The following IL1RAP variants were observed in gnomAD, a reference collection of about 807,000 sequenced individuals.
The protein encoded by IL1RAP is interleukin-1 receptor accessory protein.
IL1RAP carries 35 observed loss-of-function variants against 60.7 expected under a neutral mutation model. The ratio of observed to expected loss-of-function variants is 0.58; its 90% CI spans 0.44 to 0.76. The LOEUF (loss-of-function observed/expected upper bound fraction) is 0.76. Ranked by LOEUF, IL1RAP falls within the 30% of genes least tolerant of loss-of-function variation. The pLI, the probability that IL1RAP is intolerant of heterozygous loss-of-function variation, is 0.00. For synonymous variants in IL1RAP, 268 were observed against 250.9 expected (o/e 1.07, Z -0.64); for missense variants, 572 against 693.9 (o/e 0.82, Z 1.97).
chr3:190,586,898 T>C (rs1211991208), intron 3 of IL1RAP, among the ~76,000 whole-genome samples: 7 of 152,128 alleles, frequency 4.6e-5, no homozygotes, highest in Non-Finnish European at 2.9e-5. Context: ...GGCTGTGATA[T>C]GTGCCTTCCG....
chr3:190,553,738 CA>C (rs1725104896), intron 1 of IL1RAP, among the ~76,000 whole-genome samples: 1 of 152,176 alleles, frequency 6.6e-6, no homozygotes, highest in African/African-American at 2.4e-5. Context: ...CCTCTAGCCT[CA>C]GAAGTCTGAG....
chr3:190,542,404 G>A (rs1204915686), intron 1 of IL1RAP, among the ~76,000 whole-genome samples: 3 of 152,050 alleles, frequency 2.0e-5, no homozygotes, highest in Non-Finnish European at 4.4e-5. Flanking sequence ...TGTAAGACAG[G>A]AAAATTATAT....
At chr3:190,559,294 G>A (rs1461575059) in intron 2 of IL1RAP, among the ~76,000 whole-genome samples, 1 of 151,954 alleles carries the variant, frequency 6.6e-6, no homozygotes, top group Admixed American at 6.5e-5. Context: ...GTATCACCTG[G>A]CTTGAGGTTT....
At chr3:190,585,168 C>T (rs1728344226) in intron 3 of IL1RAP, among the ~76,000 whole-genome samples, 1 of 152,088 alleles carries the variant, frequency 6.6e-6, no homozygotes, top group Non-Finnish European at 1.5e-5. Context: ...AAGTGGCTTC[C>T]CTCTTTACAG....
At chr3:190,566,663 G>A (rs564000371) in intron 3 of IL1RAP, among the ~76,000 whole-genome samples, 19 of 152,136 alleles carry the variant, frequency 1.2e-4, no homozygotes, top group Non-Finnish European at 2.2e-4. Flanking sequence ...CATCTGGCAC[G>A]TACTCATTTG....
At chr3:190,536,963 C>T (rs1043060444) in intron 1 of IL1RAP, among the ~76,000 whole-genome samples, 2 of 152,056 alleles carry the variant, frequency 1.3e-5, no homozygotes, top group African/African-American at 4.8e-5. Flanking sequence ...AAGAGAGAGA[C>T]TGGATGAATG....
intron 1 of IL1RAP, among the ~76,000 whole-genome samples, chr3:190,546,803 C>T (rs909481649): frequency 2.0e-5 from 3 of 152,130 alleles, no homozygotes; most frequent in Admixed American, 6.6e-5. Context: ...TTGTGAGTTC[C>T]TGGATGTCTG....
intron 1 of IL1RAP, among the ~76,000 whole-genome samples, chr3:190,554,300 TGA>T (rs1160208774): frequency 6.6e-6 from 1 of 151,900 alleles, no homozygotes; most frequent in Non-Finnish European, 1.5e-5. Flanking sequence ...CTCAGCAAAG[TGA>T]GAGAGTCCTG....
intron 1 of IL1RAP, chr3:190,517,801 C>T (rs1306339036): frequency 6.6e-6 from 1 of 152,108 alleles, no homozygotes; most frequent in Non-Finnish European, 1.5e-5. Flanking sequence ...TAGAAAAAAA[C>T]AAAGATTATC....
downstream of IL1RAP, chr3:190,656,306 G>C: frequency 6.5e-7 from 1 of 1,537,236 alleles, no homozygotes; most frequent in African/African-American, 1.4e-5. Context: ...AGCTCAGAGA[G>C]GGCTGCAGGT....
intron 9 of IL1RAP, among the ~76,000 whole-genome samples, chr3:190,640,327 A>C (rs1577806317): frequency 1.3e-5 from 2 of 152,156 alleles, no homozygotes; most frequent in Admixed American, 1.3e-4. Context: ...TGTATTTTAG[A>C]TATGGAAGGA....
intron 3 of IL1RAP, among the ~76,000 whole-genome samples, chr3:190,596,291 A>G (rs1729372144): frequency 6.6e-6 from 1 of 152,144 alleles, no homozygotes; most frequent in African/African-American, 2.4e-5. Flanking sequence ...TGTGGAAAAT[A>G]TTCTGCTTTG....
At chr3:190,538,382 T>C (rs1026741899) in intron 1 of IL1RAP, among the ~76,000 whole-genome samples, 3 of 152,192 alleles carry the variant, frequency 2.0e-5, no homozygotes, top group East Asian at 1.9e-4. Context: ...AGAGCAGATA[T>C]CCAACTTTGC....
chr3:190,545,455 G>A (rs1008135850), intron 1 of IL1RAP, among the ~76,000 whole-genome samples: 2 of 152,170 alleles, frequency 1.3e-5, no homozygotes, highest in African/African-American at 4.8e-5. Flanking sequence ...GGCCACAGCA[G>A]GCATTCGCAT....
chr3:190,529,523 A>G (rs1362196095), intron 1 of IL1RAP, among the ~76,000 whole-genome samples: 1 of 151,900 alleles, frequency 6.6e-6, no homozygotes, highest in Non-Finnish European at 1.5e-5. Context: ...CATCTCTACT[A>G]AAAATACAAA....
chr3:190,518,662 G>A (rs1721744503), intron 1 of IL1RAP: 2 of 152,598 alleles, frequency 1.3e-5, no homozygotes, highest in African/African-American at 4.8e-5. Context: ...GACAATCATG[G>A]CGGAAGTCAA....
At chr3:190,596,353 CT>C (rs61432795) in intron 3 of IL1RAP, among the ~76,000 whole-genome samples, 25,579 of 147,302 alleles carry the variant, frequency 0.17, 2,711 homozygotes, top group East Asian at 0.45. Context: ...AGTCAGGCAG[CT>C]TTTTTTTTTT....
chr3:190,615,046 C>G (rs907947768), intron 5 of IL1RAP, among the ~76,000 whole-genome samples: 2 of 132,456 alleles, frequency 1.5e-5, no homozygotes, highest in Non-Finnish European at 3.2e-5. Flanking sequence ...CCTCCACATG[C>G]CTTCTCTTTC....
intron 9 of IL1RAP, among the ~76,000 whole-genome samples, chr3:190,632,813 T>A (rs1383618447): frequency 3.3e-5 from 5 of 152,338 alleles, no homozygotes; most frequent in Middle Eastern, 6.8e-3. Context: ...TTTTTCCACA[T>A]AGATAACCAG....
Sources: allele counts gnomAD v4.1 joint callset (sites outside exome capture counted in the v4.1 genomes callset), GRCh38; gene constraint gnomAD v4.1.1; transcripts MANE v1.5; gene names NCBI Gene and HGNC (gene_info 2026-07-23, HGNC 2026-07-21).